Variants in EDA observed in about 807,000 individuals in gnomAD.
EDA encodes the protein ectodysplasin A, also known as ectodysplasin-A.
EDA carries 2 observed loss-of-function variants against 23.6 expected under a neutral mutation model. The observed-to-expected ratio is 0.08, with a 90% CI of 0.03 to 0.27. The LOEUF is 0.27. Ranked by LOEUF, EDA falls within the 10% of genes least tolerant of loss-of-function variation. The pLI, the probability that EDA is intolerant of heterozygous loss-of-function variation, is 1.00. For missense variants in EDA, 229 were observed against 324.2 expected (o/e 0.71, Z 2.26); for synonymous variants, 131 against 132.0 (o/e 0.99, Z 0.05).
At chrX:69,875,574 G>A (rs1367860217) in intron 1 of EDA, among the ~76,000 whole-genome samples, 1 of 111,498 alleles carries the variant, frequency 9.0e-6, no homozygotes, top group Non-Finnish European at 1.9e-5. Flanking sequence ...ATTGGCTTAG[G>A]CAAATTTACT....
At chrX:69,692,429 G>C (rs1392664934) in intron 1 of EDA, among the ~76,000 whole-genome samples, 1 of 111,311 alleles carries the variant, frequency 9.0e-6, no homozygotes, top group African/African-American at 3.3e-5. Context: ...CTAAGCAGAA[G>C]ACATGTTTTG....
chrX:69,721,656 G>A (rs779321017), intron 1 of EDA, among the ~76,000 whole-genome samples: 81 of 110,952 alleles, frequency 7.3e-4, no homozygotes, highest in South Asian at 4.9e-3. Flanking sequence ...AGCCCACGTG[G>A]GCTGATCTCT....
chrX:69,785,393 A>C (rs1442611258), intron 1 of EDA, among the ~76,000 whole-genome samples: 3 of 87,225 alleles, frequency 3.4e-5, no homozygotes, highest in South Asian at 1.0e-3. Context: ...GAATGCTTCC[A>C]GTTTTTGCCC....
intron 2 of EDA, among the ~76,000 whole-genome samples, chrX:69,975,112 G>A (rs2019298624): frequency 9.0e-6 from 1 of 111,379 alleles, no homozygotes; most frequent in Admixed American, 9.6e-5. Flanking sequence ...TCCCGTTACT[G>A]GGTATATATC....
chrX:69,850,912 G>C (rs187773827), intron 1 of EDA, among the ~76,000 whole-genome samples: 60 of 111,427 alleles, frequency 5.4e-4, no homozygotes, highest in Non-Finnish European at 8.3e-4. Context: ...CCCCATAAAG[G>C]CTCTGAACAA....
intron 1 of EDA, among the ~76,000 whole-genome samples, chrX:69,669,141 C>T (rs1362003958): frequency 9.0e-6 from 1 of 110,963 alleles, no homozygotes. Flanking sequence ...TTTTCCCATT[C>T]CTTTGCTTTC....
At chrX:69,719,123 T>TGCCCTTATATATTTTAATA (rs2012467283) in intron 1 of EDA, among the ~76,000 whole-genome samples, 1 of 111,378 alleles carries the variant, frequency 9.0e-6, no homozygotes, top group Admixed American at 9.6e-5. Context: ...TTTTAATGGT[T>TGCCCTTATATATTTTAATA]GTAGGATCTA....
intron 2 of EDA, among the ~76,000 whole-genome samples, chrX:69,998,738 G>A (rs938883818): frequency 2.3e-4 from 26 of 111,580 alleles, no homozygotes; most frequent in African/African-American, 7.8e-4. Context: ...CCCCCATACT[G>A]TTCTCATGGT....
At chrX:70,022,337 T>A (rs1398608753) in intron 2 of EDA, among the ~76,000 whole-genome samples, 1 of 109,585 alleles carries the variant, frequency 9.1e-6, no homozygotes. Flanking sequence ...TATTTTATTT[T>A]ATTTATTTAT....
intron 2 of EDA, among the ~76,000 whole-genome samples, chrX:70,002,238 C>A (rs1400700968): frequency 1.8e-5 from 2 of 108,978 alleles, no homozygotes; most frequent in Non-Finnish European, 3.8e-5. Flanking sequence ...AAAGCAGGGG[C>A]CTGAAAACTA....
chrX:69,683,334 A>T (rs1934438950), intron 1 of EDA, among the ~76,000 whole-genome samples: 2 of 111,236 alleles, frequency 1.8e-5, no homozygotes, highest in East Asian at 2.8e-4. Context: ...AATAATAATA[A>T]ATGCTCAGTA....
intron 2 of EDA, among the ~76,000 whole-genome samples, chrX:69,961,031 AAAAG>A (rs775572359): frequency 2.0e-4 from 21 of 103,722 alleles, no homozygotes; most frequent in East Asian, 7.0e-4. Context: ...AAAAGAAAAA[AAAAG>A]AAAGAAAGAA....
intron 2 of EDA, among the ~76,000 whole-genome samples, chrX:69,988,872 G>A (rs1259871385): frequency 1.8e-5 from 2 of 111,052 alleles, no homozygotes; most frequent in Non-Finnish European, 3.8e-5. Flanking sequence ...AAAAAAAATT[G>A]TTTAATTTAA....
rs184724437 is a variant in EDA at position 69,889,430 on chromosome X, A to G, written c.397-67597A>G. Among the ~76,000 whole-genome samples, 3 of 111,280 alleles carry G rather than the reference A, an allele frequency of 2.7e-5. 1 individual carries two copies. Among genetic ancestry groups the G allele is most frequent in the Non-Finnish European group, 3.8e-5 (2 of 53,036 alleles). On this transcript the variant is annotated intron_variant, in intron 1 of 7. Transcript: ENST00000374552. ...CCCCCAAAGTGCTGGGATTACAGGT[A>G]TGAGCCACCACGCCTGGCCTTCTGG...
intron 1 of EDA, among the ~76,000 whole-genome samples, chrX:69,842,852 C>T (rs1391703376): frequency 2.7e-5 from 3 of 111,437 alleles, no homozygotes; most frequent in Non-Finnish European, 3.8e-5. Context: ...CCTGCTCTGG[C>T]CACGTGAAAC....
chrX:69,627,358 G>C (rs5980828), intron 1 of EDA, among the ~76,000 whole-genome samples: 6,725 of 110,713 alleles, frequency 0.061, 480 homozygotes, highest in African/African-American at 0.21. Context: ...TAGCTAGCTA[G>C]CTATTCCCAG....
intron 2 of EDA, among the ~76,000 whole-genome samples, chrX:69,972,272 T>C (rs1305692744): frequency 9.0e-6 from 1 of 111,558 alleles, no homozygotes; most frequent in Non-Finnish European, 1.9e-5. Flanking sequence ...AGGTATAGTG[T>C]GGCACTCTTC....
chrX:69,836,162 A>G lies in EDA; in HGVS notation c.397-120865A>G, dbSNP rs773162900. 2.7e-5 allele frequency among the ~76,000 whole-genome samples: 3 copies of G among 112,214 alleles called. No homozygotes were observed. The South Asian group carries it at 1.1e-3, about 42-fold the overall frequency. On this transcript the variant is annotated intron_variant, in intron 1 of 7. Transcript: ENST00000374552. The stretch of plus-strand genomic sequence containing the variant: ...GGTGTCTATCAGCACCTACTGGGAG[A>G]TGTCTCCCAGTTAGGCTATACAGAG...
At chrX:69,740,209 G>A (rs2013409797) in intron 1 of EDA, among the ~76,000 whole-genome samples, 1 of 111,126 alleles carries the variant, frequency 9.0e-6, no homozygotes, top group Admixed American at 9.6e-5. Context: ...GTCTTTCTAA[G>A]TGTATAATTA....
Sources: gnomAD v4.1 joint callset for allele counts (sites outside exome capture counted in the v4.1 genomes callset) on GRCh38, gnomAD v4.1.1 for gene constraint, MANE v1.5 for transcripts, NCBI Gene and HGNC (gene_info 2026-07-23, HGNC 2026-07-21) for gene names.